The following MTHFD1L variants were observed in gnomAD, a reference collection of about 807,000 sequenced individuals.
MTHFD1L encodes methylenetetrahydrofolate dehydrogenase (NADP+ dependent) 1 like.
MTHFD1L carries 81 observed loss-of-function variants against 119.5 expected under a neutral mutation model. The ratio of observed to expected loss-of-function variants is 0.68; its 90% CI spans 0.57 to 0.82. MTHFD1L has a LOEUF of 0.82. Ranked by LOEUF, MTHFD1L falls within the 40% of genes least tolerant of loss-of-function variation. The pLI is 0.00. For missense variants in MTHFD1L, 1,125 were observed against 1,253.4 expected (o/e 0.90, Z 1.55); for synonymous variants, 430 against 475.2 (o/e 0.90, Z 1.24).
chr6:151,055,258 C>T (rs762789317), intron 26 of MTHFD1L, among the ~76,000 whole-genome samples: 1 of 150,734 alleles, frequency 6.6e-6, no homozygotes, highest in African/African-American at 2.5e-5. Context: ...AGGGAGACTC[C>T]GTCTCAAGGA....
At chr6:151,079,220 G>A (rs946519036) in intron 26 of MTHFD1L, among the ~76,000 whole-genome samples, 3 of 151,996 alleles carry the variant, frequency 2.0e-5, no homozygotes, top group African/African-American at 4.8e-5. Context: ...ATGACAGCTC[G>A]ATATTTGGGA....
In MTHFD1L at chr6:150,877,617, G is replaced by T. The variant is rs909628955; in HGVS notation, c.313-17G>T. The T allele has an allele frequency of 3.7e-6, 6 of 1,613,600 alleles. No individual in the cohort carries two copies. In the African/African-American group the frequency reaches 8.0e-5, roughly 22 times the overall value. On this transcript the variant is annotated splice_polypyrimidine_tract_variant and intron_variant, in intron 2 of 27. Coordinates refer to ENST00000367321, the MANE Select transcript of MTHFD1L (RefSeq NM_015440.5). ...CAAGCTATTTTTATGTTGTTATGTTGTTTTTACCTTCCTAAGGCAGGTGAC... is the reference window on the plus strand; with the variant it reads ...CAAGCTATTTTTATGTTGTTATGTTTTTTTTACCTTCCTAAGGCAGGTGAC...
intron 1 of MTHFD1L, among the ~76,000 whole-genome samples, chr6:150,874,815 T>C (rs1174327615): frequency 6.6e-6 from 1 of 150,934 alleles, no homozygotes; most frequent in African/African-American, 2.4e-5. Context: ...CAGGCTGGAG[T>C]GCGGTGGCAC....
At chr6:150,869,933 C>A (rs1476533742) in intron 1 of MTHFD1L, among the ~76,000 whole-genome samples, 1 of 151,976 alleles carries the variant, frequency 6.6e-6, no homozygotes, top group Admixed American at 6.5e-5. Context: ...CCACACCCAG[C>A]TAATTTTTGT....
rs771616136 is a variant in MTHFD1L, at chr6:151,022,062, G to A, written c.2586+6369G>A. 98 of 471,042 alleles carry A rather than the reference G, an allele frequency of 2.1e-4. 1 individual carries two copies. The highest frequency in any genetic ancestry group is 1.0e-3 in the South Asian group (66 of 64,568). The allele number at this position is 471,042 out of a possible 1,614,324, so 29.2% of individuals were successfully genotyped here. A position where few individuals can be genotyped will look rare whatever the true frequency, so the allele number is the denominator to read the frequency against. On this transcript the variant is annotated intron_variant, in intron 24 of 27. Transcript: ENST00000367321. ...TTGATCCCAGTGGGGGCTGGATGAAGGAAGAGCAAAACAAACCACGAAGAC... is the reference window on the plus strand; with the variant it reads ...TTGATCCCAGTGGGGGCTGGATGAAAGAAGAGCAAAACAAACCACGAAGAC...
At chr6:150,871,455 G>T (rs1314619771) in intron 1 of MTHFD1L, among the ~76,000 whole-genome samples, 2 of 147,682 alleles carry the variant, frequency 1.4e-5, no homozygotes, top group Non-Finnish European at 3.0e-5. Context: ...CTCAAACCCT[G>T]CAACTGCTTT....
intron 20 of MTHFD1L, among the ~76,000 whole-genome samples, chr6:150,997,105 C>G (rs1779899944): frequency 6.6e-6 from 1 of 152,124 alleles, no homozygotes; most frequent in Non-Finnish European, 1.5e-5. Flanking sequence ...GGGCGCTGTC[C>G]CAGCTCTGTC....
At chr6:151,044,715 C>T (rs1416669961) in intron 26 of MTHFD1L, among the ~76,000 whole-genome samples, 1 of 152,106 alleles carries the variant, frequency 6.6e-6, no homozygotes, top group Non-Finnish European at 1.5e-5. Flanking sequence ...ACTGGGTTGG[C>T]CTTTGTCCCC....
chr6:150,913,105 G>A (rs1308851585), intron 8 of MTHFD1L, among the ~76,000 whole-genome samples: 1 of 151,998 alleles, frequency 6.6e-6, no homozygotes, highest in East Asian at 1.9e-4. Context: ...GAGCTCAAGC[G>A]ATCCTCCTGC....
At chr6:150,874,530 G>A (rs571904313) in intron 1 of MTHFD1L, among the ~76,000 whole-genome samples, 2 of 152,318 alleles carry the variant, frequency 1.3e-5, no homozygotes, top group Admixed American at 6.5e-5. Context: ...TCTTCACCCC[G>A]CATTTTTGTT....
At position 150,926,052 on chromosome 6, in the gene MTHFD1L, G is replaced by A. The variant is rs1789923208; in HGVS notation, c.1083-70G>A. 1.4e-6 allele frequency: 2 copies of A among 1,397,362 alleles called. No homozygotes were observed. The highest frequency in any genetic ancestry group is 1.4e-5 in the African/African-American group (1 of 69,504). The allele number at this position is 1,397,362 out of a possible 1,614,324, so 86.6% of individuals were successfully genotyped here. On this transcript the variant is annotated intron_variant, in intron 10 of 27. Coordinates refer to ENST00000367321, the MANE Select transcript of MTHFD1L (RefSeq NM_015440.5). This position sits in a 1 kb window ranked among gnomAD's most constrained non-coding sequence, Gnocchi z 4.3. ...TTCATCGTTGGCGTGATGTGTGGCTGTTTTCACTCCAGTTGTGACCACCTA... is the reference window on the plus strand; with the variant it reads ...TTCATCGTTGGCGTGATGTGTGGCTATTTTCACTCCAGTTGTGACCACCTA...
intron 20 of MTHFD1L, among the ~76,000 whole-genome samples, chr6:150,990,579 C>T (rs530048155): frequency 1.3e-5 from 2 of 152,162 alleles, no homozygotes; most frequent in African/African-American, 4.8e-5. Context: ...CCTGCCTCAG[C>T]CTCCCGAGTA....
At chr6:150,910,378 A>G (rs1786664804) in intron 8 of MTHFD1L, among the ~76,000 whole-genome samples, 1 of 150,894 alleles carries the variant, frequency 6.6e-6, no homozygotes, top group African/African-American at 2.4e-5. Flanking sequence ...AGCCTGACCA[A>G]CGTGGAGAAA....
intron 21 of MTHFD1L, 115 bp from the exon 22 acceptor site, chr6:151,013,664 A>T (rs1782605081): frequency 2.0e-6 from 2 of 1,002,348 alleles, no homozygotes; most frequent in Non-Finnish European, 3.0e-6. Flanking sequence ...TTAAAAGCAC[A>T]AAACATAGAG....
chr6:150,976,184 G>A (rs1776543812), intron 20 of MTHFD1L, among the ~76,000 whole-genome samples: 1 of 152,168 alleles, frequency 6.6e-6, no homozygotes, highest in Non-Finnish European at 1.5e-5. Flanking sequence ...CTAGGCAACA[G>A]AGACAGACTC....
At chr6:150,983,869 C>T (rs760441410) in intron 20 of MTHFD1L, among the ~76,000 whole-genome samples, 1 of 152,170 alleles carries the variant, frequency 6.6e-6, no homozygotes, top group Non-Finnish European at 1.5e-5. Flanking sequence ...CTCCTGGGCT[C>T]GAGCGATCCT....
At chr6:150,879,346 G>A (rs975336822) in intron 4 of MTHFD1L, among the ~76,000 whole-genome samples, 1 of 151,936 alleles carries the variant, frequency 6.6e-6, no homozygotes, top group Non-Finnish European at 1.5e-5. Context: ...GGAGTGCGGT[G>A]GTGCAATCTT....
At chr6:150,957,380 A>G (rs1795799886) in intron 17 of MTHFD1L, among the ~76,000 whole-genome samples, 1 of 152,216 alleles carries the variant, frequency 6.6e-6, no homozygotes, top group African/African-American at 2.4e-5. Flanking sequence ...ACTAAATGCT[A>G]GTGAGGATGC....
intron 27 of MTHFD1L, chr6:151,099,434 C>A: frequency 1.2e-6 from 1 of 856,284 alleles, no homozygotes; most frequent in Non-Finnish European, 1.9e-6. Context: ...TGAGGCTGGC[C>A]GTGTCTCTGA....
Sources: gnomAD v4.1 joint callset for allele counts (sites outside exome capture counted in the v4.1 genomes callset) on GRCh38, gnomAD v4.1.1 for gene constraint, Gnocchi (gnomAD v3.1) non-coding constraint, MANE v1.5 for transcripts, NCBI Gene and HGNC (gene_info 2026-07-23, HGNC 2026-07-21) for gene names.